The following AIG1 variants were observed in gnomAD, a reference collection of about 807,000 sequenced individuals.
AIG1 encodes androgen induced 1, also known as androgen-induced gene 1 protein.
AIG1 carries 23 observed loss-of-function variants against 31.4 expected under a neutral mutation model. The observed-to-expected ratio is 0.73, with a 90% CI of 0.53 to 1.04. The LOEUF (loss-of-function observed/expected upper bound fraction) is 1.04, where lower values mean the gene tolerates loss of function less well. AIG1 is among the 50% of genes least tolerant of loss of function. AIG1 has a pLI of 0.00. For synonymous variants in AIG1, 100 were observed against 110.5 expected, an observed-to-expected ratio of 0.90 and a Z score of 0.60; for missense variants, 274 against 295.0, an observed-to-expected ratio of 0.93 and a Z score of 0.52.
At chr6:143,303,100 A>C (rs989850172) in intron 4 of AIG1, among the ~76,000 whole-genome samples, 3 of 151,954 alleles carry the variant, frequency 2.0e-5, no homozygotes, top group African/African-American at 7.2e-5. Context: ...AATTTGTTTG[A>C]GTTCATTGTA....
In AIG1 at chr6:143,300,982, G is replaced by A. The variant is rs890163704; in HGVS notation, c.515+16757G>A. Among the ~76,000 whole-genome samples, 3 of 151,518 alleles carry A rather than the reference G, an allele frequency of 2.0e-5. 1 individual carries two copies. The highest frequency in any genetic ancestry group is 7.3e-5 in the African/African-American group (3 of 41,244). On this transcript the variant is annotated intron_variant, in intron 4 of 5. Coordinates refer to ENST00000357847, the MANE Select transcript of AIG1 (RefSeq NM_016108.4). ...TTTATTTATTTCTTTTTTTTGAGAC[G>A]GAGTCTCGCTCTGTCACCCAGGCTA...
rs181399707 is a variant in AIG1 at position 143,173,455 on chromosome 6, A to G, written c.399+8272A>G. ...GGATTTGGTTTGTTCTTGTTTCTCT[A>G]GTTCCTAGAGATGTGACCTTAGATT... On this transcript the variant is annotated intron_variant, in intron 3 of 5. Transcript: ENST00000357847. 1.9e-4 allele frequency among the ~76,000 whole-genome samples: 29 copies of G among 152,260 alleles called. 1 individual carries two copies. In the South Asian group the frequency reaches 3.3e-3, roughly 17 times the overall value.
intron 3 of AIG1, among the ~76,000 whole-genome samples, chr6:143,171,413 T>TATATATATA (rs1226541903): frequency 1.1e-4 from 13 of 122,694 alleles, no homozygotes; most frequent in Non-Finnish European, 1.9e-4. Context: ...AGTGTGTGTA[T>TATATATATA]ATATATATAA....
chr6:143,164,867 C>T (rs1468890792), intron 2 of AIG1: 2 of 416,186 alleles, frequency 4.8e-6, no homozygotes, highest in Non-Finnish European at 8.7e-6. Flanking sequence ...CCTGAAAGAA[C>T]ACCATTCGGA....
chr6:143,117,672 G>A (rs1781858268), intron 1 of AIG1, among the ~76,000 whole-genome samples: 1 of 152,108 alleles, frequency 6.6e-6, no homozygotes, highest in South Asian at 2.1e-4. Flanking sequence ...GAAAATACCA[G>A]GATCATTAAC....
At position 143,299,980 on chromosome 6, in the gene AIG1, C is replaced by T. The variant is rs1798710972; in HGVS notation, c.515+15755C>T. On this transcript the variant is annotated intron_variant, in intron 4 of 5. Transcript: ENST00000357847. The surrounding 1 kb of genome is among the most constrained non-coding windows in gnomAD (Gnocchi z 4.1). ...TAGCATTTCTGACACTGCTGTGAAACATCCACCGTGCACCACCACCGGGCT... is the reference window on the plus strand; with the variant it reads ...TAGCATTTCTGACACTGCTGTGAAATATCCACCGTGCACCACCACCGGGCT... 6.6e-6 allele frequency among the ~76,000 whole-genome samples: 1 copy of T among 152,198 alleles called. No homozygotes were observed. Among genetic ancestry groups the T allele is most frequent in the African/African-American group, 2.4e-5 (1 of 41,452 alleles).
chr6:143,284,053 C>A lies in AIG1; in HGVS notation c.400-57C>A, dbSNP rs1327775330. 2 of 1,347,270 alleles carry A rather than the reference C, an allele frequency of 1.5e-6. No homozygotes were observed. Among genetic ancestry groups the A allele is most frequent in the East Asian group, 4.7e-5 (2 of 42,994 alleles). 83.5% of individuals were successfully genotyped at this position (1,347,270 alleles called of 1,614,324 possible). A position where few individuals can be genotyped will look rare whatever the true frequency, so the allele number is the denominator to read the frequency against. On this transcript the variant is annotated intron_variant, in intron 3 of 5. Coordinates refer to ENST00000357847, the MANE Select transcript of AIG1 (RefSeq NM_016108.4). The surrounding 1 kb of genome is among the most constrained non-coding windows in gnomAD (Gnocchi z 4.4). ...GTGCATTCTCCTACTGGTGAAAAAACAACTATAGAGAGACAATGATAGCAA... is the reference window on the plus strand; with the variant it reads ...GTGCATTCTCCTACTGGTGAAAAAAAAACTATAGAGAGACAATGATAGCAA...
chr6:143,333,866 T>C lies in AIG1; in HGVS notation c.679+421T>C, dbSNP rs918950044. Reference sequence around the variant, plus strand: ...GTCACCCAGATCTCCACTTTCTATGTGGGTGCAGTCACCTGGGAGAGGTCT... The same window carrying C: ...GTCACCCAGATCTCCACTTTCTATGCGGGTGCAGTCACCTGGGAGAGGTCT... On this transcript the variant is annotated intron_variant, in intron 5 of 5. Transcript: ENST00000357847. This position sits in a 1 kb window ranked among gnomAD's most constrained non-coding sequence, Gnocchi z 4.6. Among the ~76,000 whole-genome samples, 2 of 152,200 alleles carry C rather than the reference T, an allele frequency of 1.3e-5. No homozygotes were observed. The highest frequency in any genetic ancestry group is 2.9e-5 in the Non-Finnish European group (2 of 68,026).
chr6:143,324,535 C>T (rs1308042538), intron 4 of AIG1, among the ~76,000 whole-genome samples: 2 of 152,214 alleles, frequency 1.3e-5, no homozygotes, highest in African/African-American at 4.8e-5. Flanking sequence ...AGTACAGGAG[C>T]TTGGCATCCA....
intron 1 of AIG1, among the ~76,000 whole-genome samples, chr6:143,121,625 C>T (rs1009563577): frequency 1.3e-5 from 2 of 152,170 alleles, no homozygotes; most frequent in Non-Finnish European, 2.9e-5. Context: ...TGGTTAGCAA[C>T]CAGGGCTTTC....
At chr6:143,098,308 A>C (rs1779970401) in intron 1 of AIG1, among the ~76,000 whole-genome samples, 1 of 152,230 alleles carries the variant, frequency 6.6e-6, no homozygotes, top group Non-Finnish European at 1.5e-5. Flanking sequence ...ACTCACAGGA[A>C]TGACTAGCCT....
intron 1 of AIG1, among the ~76,000 whole-genome samples, chr6:143,128,806 A>T (rs1353523586): frequency 6.6e-6 from 1 of 152,232 alleles, no homozygotes; most frequent in Non-Finnish European, 1.5e-5. Context: ...CAGAAACCTC[A>T]AGTGTTTTAA....
At chr6:143,103,914 A>C (rs1780568574) in intron 1 of AIG1, among the ~76,000 whole-genome samples, 1 of 152,228 alleles carries the variant, frequency 6.6e-6, no homozygotes, top group South Asian at 2.1e-4. Flanking sequence ...TAGTAAGTGA[A>C]TGAAAAGTAC....
intron 3 of AIG1, chr6:143,189,505 GAGTGTCATATGCTA>G: frequency 2.0e-6 from 2 of 985,354 alleles, no homozygotes; most frequent in Non-Finnish European, 2.4e-6. Context: ...AGGTTTTGCT[GAGTGTCATATGCTA>G]AGTTATTTGC....
intron 1 of AIG1, among the ~76,000 whole-genome samples, chr6:143,085,201 A>G (rs1306024940): frequency 6.6e-6 from 1 of 152,192 alleles, no homozygotes; most frequent in African/African-American, 2.4e-5. Context: ...ATTCTCCAGA[A>G]TACATCTTAG....
chr6:143,339,626 C>G lies in AIG1; in HGVS notation c.680-13C>G. On this transcript the variant is annotated splice_polypyrimidine_tract_variant and intron_variant, in intron 5 of 5. Transcript: ENST00000357847. ...TCTGATGCTCAAATAAAACACTTTG[C>G]CTGTATTTCTAGGTATGGAAGAAGA... is the stretch of plus-strand genomic sequence containing the variant. 3 of 1,612,020 alleles carry G rather than the reference C, an allele frequency of 1.9e-6. No individual in the cohort carries two copies. The highest frequency in any genetic ancestry group is 2.5e-6 in the Non-Finnish European group (3 of 1,179,068).
At chr6:143,096,568 C>T (rs144977180) in intron 1 of AIG1, among the ~76,000 whole-genome samples, 1 of 152,196 alleles carries the variant, frequency 6.6e-6, no homozygotes, top group African/African-American at 2.4e-5. Context: ...TTTTAAATAG[C>T]AGAATCAAAA....
intron 3 of AIG1, among the ~76,000 whole-genome samples, chr6:143,207,103 G>T (rs554377019): frequency 6.6e-6 from 1 of 152,212 alleles, no homozygotes; most frequent in East Asian, 1.9e-4. Context: ...GAACAAGTGA[G>T]GGGAGTTGTA....
chr6:143,315,719 C>A (rs576494238), intron 4 of AIG1, among the ~76,000 whole-genome samples: 9 of 152,126 alleles, frequency 5.9e-5, no homozygotes, highest in African/African-American at 1.9e-4. Flanking sequence ...TATAAAAATT[C>A]TAGAAGAAAA....
Sources: allele counts gnomAD v4.1 joint callset (sites outside exome capture counted in the v4.1 genomes callset), GRCh38; gene constraint gnomAD v4.1.1; non-coding constraint Gnocchi (gnomAD v3.1); transcripts MANE v1.5; gene names NCBI Gene and HGNC (gene_info 2026-07-23, HGNC 2026-07-21).